PANK2: variants seen among roughly 807,000 people sequenced by gnomAD.
The protein encoded by PANK2 is pantothenate kinase 2.
A neutral mutation model predicts 43.1 loss-of-function variants in PANK2; 36 were observed. The observed-to-expected ratio is 0.84, with a 90% confidence interval of 0.64 to 1.10. The LOEUF (loss-of-function observed/expected upper bound fraction) is 1.10. Ranked by LOEUF, PANK2 falls within the 50% of genes least tolerant of loss-of-function variation. The pLI, the probability that PANK2 is intolerant of heterozygous loss-of-function variation, is 0.00. For missense variants in PANK2, 576 were observed against 593.3 expected, an observed-to-expected ratio of 0.97 and a Z score of 0.30; for synonymous variants, 281 against 238.2, an observed-to-expected ratio of 1.18 and a Z score of -1.66.
At chr20:3,916,861 C>A in intron 4 of PANK2, 66 bp from the exon 5 acceptor site, 1 of 1,604,238 alleles carries the variant, frequency 6.2e-7, no homozygotes, top group Non-Finnish European at 8.5e-7. Flanking sequence ...AATAAAGTAA[C>A]ATTCAAGTTC....
Position 3,889,719 on chromosome 20 carries a change from A to C in PANK2, c.289A>C (p.Lys97Gln). ...CCAGCGCGTCGAAAGCCTGAGGAAA[A>C]AGCGGCCGCGTAAGTGTTCCGTGGG... Residue 97 changes from lysine (K) to glutamine (Q), a missense_variant, in exon 1 of 7, where the codon AAG becomes CAG. Lys to Gln is a moderately conservative substitution (Grantham distance 53). Transcript: ENST00000610179. 6.3e-7 allele frequency: 1 copy of C among 1,595,866 alleles called. No individual in the cohort carries two copies. Among genetic ancestry groups the C allele is most frequent in the South Asian group, 1.1e-5 (1 of 90,832 alleles).
At position 3,910,404 on chromosome 20, in the gene PANK2, G is replaced by GC. The variant is rs765264467; in HGVS notation, c.652-172dup. Among the ~76,000 whole-genome samples, 13 of 151,400 alleles carry GC rather than the reference G, an allele frequency of 8.6e-5. No individual in the cohort carries two copies. The East Asian group carries it at 1.8e-3, about 21-fold the overall frequency. ...TCTGTAGTAGCAGGAGTCTGTCTCAGCACTGTGTCCCTAGGTTTGCTCCTA... is the reference window on the plus strand; with the variant it reads ...TCTGTAGTAGCAGGAGTCTGTCTCAGCCACTGTGTCCCTAGGTTTGCTCCTA... On this transcript the variant is annotated intron_variant, in intron 2 of 6. Coordinates refer to ENST00000610179, the MANE Select transcript of PANK2 (RefSeq NM_001386393.1).
chr20:3,923,614 G>A lies in PANK2; in HGVS notation c.*320G>A. 1 of 412,758 alleles carries A rather than the reference G, an allele frequency of 2.4e-6. No individual in the cohort carries two copies. The highest frequency in any genetic ancestry group is 4.5e-6 in the Non-Finnish European group (1 of 223,942). The allele number at this position is 412,758 out of a possible 1,614,324, so 25.6% of individuals were successfully genotyped here. On this transcript the variant is annotated 3_prime_UTR_variant, in exon 7 of 7. Transcript: ENST00000610179. ...AAGTGCTTCTGAAGAGAGCTGCTCT[G>A]TGTTCAGTTGACTGGTTTTGTGTCC...
At chr20:3,893,941 T>G (rs1455524948) in intron 1 of PANK2, among the ~76,000 whole-genome samples, 3 of 149,712 alleles carry the variant, frequency 2.0e-5, no homozygotes, top group Non-Finnish European at 4.5e-5. Flanking sequence ...GTTTTTTTTT[T>G]TTTTTTTTTA....
intron 3 of PANK2, among the ~76,000 whole-genome samples, chr20:3,911,106 G>A (rs956432278): frequency 6.6e-6 from 1 of 152,218 alleles, no homozygotes. Flanking sequence ...CATACACAAA[G>A]TAGCTAAAGT....
intron 1 of PANK2, among the ~76,000 whole-genome samples, chr20:3,895,845 C>T (rs917938411): frequency 8.5e-5 from 13 of 152,054 alleles, no homozygotes; most frequent in African/African-American, 2.7e-4. Context: ...GCTGATTTTA[C>T]GGTATGTGGT....
At chr20:3,901,053 A>T (rs1265104090) in intron 1 of PANK2, among the ~76,000 whole-genome samples, 3 of 151,394 alleles carry the variant, frequency 2.0e-5, no homozygotes. Flanking sequence ...TACAGGCTTT[A>T]TTATTTATTT....
At position 3,928,810 on chromosome 20, in the gene PANK2, A is replaced by C. The variant is rs1361698536; in HGVS notation, c.*5516A>C. 2.7e-5 allele frequency: 4 copies of C among 150,928 alleles called. No homozygotes were observed. The highest frequency in any genetic ancestry group is 5.9e-5 in the Non-Finnish European group (4 of 67,742). The allele number at this position is 150,928 out of a possible 1,614,324, so 9.3% of individuals were successfully genotyped here. ...GGGGTAATTTCTGTTGTCAAATGGA[A>C]AACAAGGCATAAAGGGAAAATTCTG... is the stretch of plus-strand genomic sequence containing the variant. On this transcript the variant is annotated 3_prime_UTR_variant, in exon 7 of 7. Transcript: ENST00000610179.
chr20:3,913,893 A>T (rs1345189438), intron 4 of PANK2, among the ~76,000 whole-genome samples: 2 of 149,710 alleles, frequency 1.3e-5, no homozygotes, highest in African/African-American at 4.9e-5. Context: ...GGTTCATGCC[A>T]TTCTTCTGCT....
intron 2 of PANK2, chr20:3,908,798 G>A (rs919137570): frequency 5.0e-6 from 1 of 199,198 alleles, no homozygotes; most frequent in Non-Finnish European, 1.0e-5. Context: ...GCTTTCTGAT[G>A]TGTTCTGTGC....
rs1027006376 is a variant in PANK2, at chr20:3,926,263, G to A, written c.*2969G>A. 1 of 152,298 alleles carries A rather than the reference G, an allele frequency of 6.6e-6. No individual in the cohort carries two copies. Among genetic ancestry groups the A allele is most frequent in the African/African-American group, 2.4e-5 (1 of 41,454 alleles). The allele number at this position is 152,298 out of a possible 1,614,324, so 9.4% of individuals were successfully genotyped here. On this transcript the variant is annotated 3_prime_UTR_variant, in exon 7 of 7. Coordinates refer to ENST00000610179, the MANE Select transcript of PANK2 (RefSeq NM_001386393.1). ...ATATGCATGTAGGTGGGCAAAGCAA[G>A]GGGGATTTCATGAGTTCTAAGGTAG...
chr20:3,903,849 G>A (rs1311923597), intron 1 of PANK2, among the ~76,000 whole-genome samples: 2 of 151,822 alleles, frequency 1.3e-5, no homozygotes, highest in Non-Finnish European at 2.9e-5. Flanking sequence ...GGCTGATCTC[G>A]AACTCCTGAC....
In PANK2 at chr20:3,893,955, G is replaced by A. The variant is rs574478586; in HGVS notation, c.298+4227G>A. Among the ~76,000 whole-genome samples, 768 of 137,970 alleles carry A rather than the reference G, an allele frequency of 5.6e-3. 5 individuals carry two copies. The highest frequency in any genetic ancestry group is 0.018 in the South Asian group (77 of 4,324). The allele number at this position is 137,970 out of a possible 152,430, so 90.5% of individuals were successfully genotyped here. On this transcript the variant is annotated intron_variant, in intron 1 of 6. Transcript: ENST00000610179. Reference sequence around the variant, plus strand: ...TGTTTTTTTTTTTTTTTTTTTAGAGGAGTTTCACTCTTGTTGCCCAGGCCA... The same window carrying A: ...TGTTTTTTTTTTTTTTTTTTTAGAGAAGTTTCACTCTTGTTGCCCAGGCCA...
rs1483508375 is a variant in PANK2, at chr20:3,916,958, G to A, written c.1114G>A (p.Glu372Lys). 1 of 1,613,982 alleles carries A rather than the reference G, an allele frequency of 6.2e-7. No homozygotes were observed. Residue 372 changes from glutamate (E) to lysine (K), a missense_variant, in exon 5 of 7, where the codon GAG becomes AAG. Glu to Lys is a moderately conservative substitution (Grantham distance 56, BLOSUM62 1). This residue lies in a region of PANK2 where 544 missense variants were observed against 528.9 expected (regional missense o/e 1.03). Transcript: ENST00000610179. ...AAACATGATGAGCAAGGAGAAGCGA[G>A]AGGCTGTCAGTAAAGAGGACCTGGC...
At chr20:3,905,492 G>A (rs1283165324) in intron 1 of PANK2, among the ~76,000 whole-genome samples, 11 of 151,398 alleles carry the variant, frequency 7.3e-5, no homozygotes, top group Non-Finnish European at 1.6e-4. Flanking sequence ...GACTACAGGC[G>A]CCCGCCACCA....
At chr20:3,900,802 T>C (rs769397873) in intron 1 of PANK2, among the ~76,000 whole-genome samples, 2 of 151,936 alleles carry the variant, frequency 1.3e-5, no homozygotes, top group Non-Finnish European at 2.9e-5. Context: ...GAAGTCTTGC[T>C]CTGTCGCCTA....
chr20:3,894,480 TCTGC>T (rs1256704695), intron 1 of PANK2, among the ~76,000 whole-genome samples: 2 of 151,852 alleles, frequency 1.3e-5, no homozygotes, highest in South Asian at 2.1e-4. Flanking sequence ...CCTCCGGTGA[TCTGC>T]CCACCTCAGC....
chr20:3,889,351 G>C, upstream of PANK2: 1 of 1,585,818 alleles, frequency 6.3e-7, no homozygotes, highest in South Asian at 1.1e-5. Flanking sequence ...GCGCGTTGGC[G>C]CAACGGAAGA....
intron 4 of PANK2, among the ~76,000 whole-genome samples, chr20:3,914,791 G>A (rs752344373): frequency 6.6e-6 from 1 of 151,650 alleles, no homozygotes; most frequent in Non-Finnish European, 1.5e-5. Context: ...TGTAATTTTA[G>A]TAGAGATGGG....
Sources: gnomAD v4.1 joint callset for allele counts (sites outside exome capture counted in the v4.1 genomes callset) on GRCh38, gnomAD v4.1.1 for gene constraint, gnomAD v4.1.1 regional missense constraint, MANE v1.5 for transcripts, NCBI Gene and HGNC (gene_info 2026-07-23, HGNC 2026-07-21) for gene names.